PDE8B: variants seen among roughly 807,000 people sequenced by gnomAD.
The protein encoded by PDE8B is phosphodiesterase 8B.
A neutral mutation model predicts 101.3 loss-of-function variants in PDE8B; 26 were observed. The ratio of observed to expected loss-of-function variants is 0.26; its 90% CI spans 0.19 to 0.36. The LOEUF (loss-of-function observed/expected upper bound fraction) is 0.36, where lower values mean the gene tolerates loss of function less well. PDE8B is among the 10% of genes least tolerant of loss of function. The pLI is 1.00. For synonymous variants in PDE8B, 424 were observed against 429.3 expected, an observed-to-expected ratio of 0.99 and a Z score of 0.15; for missense variants, 810 against 1,163.1, an observed-to-expected ratio of 0.70 and a Z score of 4.42.
chr5:77,264,059 T>C (rs540948621), intron 1 of PDE8B, among the ~76,000 whole-genome samples: 38 of 152,346 alleles, frequency 2.5e-4, no homozygotes, highest in African/African-American at 8.7e-4. Context: ...TGTGTCTGGC[T>C]TCTTTCATTT....
intron 2 of PDE8B, among the ~76,000 whole-genome samples, chr5:77,318,726 G>C (rs1405721840): frequency 6.6e-6 from 1 of 152,094 alleles, no homozygotes; most frequent in Non-Finnish European, 1.5e-5. Context: ...CCACTCCCCT[G>C]ATCAAATTGG....
At chr5:77,129,822 C>T in the PDE8B span, among the ~76,000 whole-genome samples, 1 of 152,202 alleles carries the variant, frequency 6.6e-6, no homozygotes, top group African/African-American at 2.4e-5. Context: ...CACCCTACCT[C>T]TACACTGTTT....
chr5:77,371,551 C>T (rs1785090771), intron 10 of PDE8B, among the ~76,000 whole-genome samples: 1 of 152,084 alleles, frequency 6.6e-6, no homozygotes, highest in Non-Finnish European at 1.5e-5. Flanking sequence ...CTTAACATTG[C>T]ATGATTTGGT....
At chr5:77,099,005 A>T in the PDE8B span, among the ~76,000 whole-genome samples, 1 of 152,248 alleles carries the variant, frequency 6.6e-6, no homozygotes, top group African/African-American at 2.4e-5. Flanking sequence ...TTTCTAACAC[A>T]TAAATTTTGG....
intron 1 of PDE8B, among the ~76,000 whole-genome samples, chr5:77,212,747 C>T (rs1463403672): frequency 6.6e-6 from 1 of 152,160 alleles, no homozygotes; most frequent in Non-Finnish European, 1.5e-5. Context: ...GTCAAGCTCT[C>T]TCTCTCTCCC....
chr5:77,247,943 G>T (rs6867654), intron 1 of PDE8B, among the ~76,000 whole-genome samples: 1 of 151,954 alleles, frequency 6.6e-6, no homozygotes, highest in Non-Finnish European at 1.5e-5. Context: ...CATGCAGGAA[G>T]GTCTGAGGTT....
chr5:77,136,619 G>T, the PDE8B span, among the ~76,000 whole-genome samples: 1 of 152,156 alleles, frequency 6.6e-6, no homozygotes, highest in Non-Finnish European at 1.5e-5. Context: ...AGTGTGTATG[G>T]CAGTAAGGTG....
intron 1 of PDE8B, among the ~76,000 whole-genome samples, chr5:77,251,685 G>T (rs374595776): frequency 1.3e-5 from 2 of 152,016 alleles, no homozygotes; most frequent in African/African-American, 4.8e-5. Context: ...TGTATCCACC[G>T]CATCGCTCTC....
intron 1 of PDE8B, among the ~76,000 whole-genome samples, chr5:77,274,108 C>A (rs1490771572): frequency 6.6e-6 from 1 of 152,128 alleles, no homozygotes; most frequent in African/African-American, 2.4e-5. Context: ...AGGCGTGAAC[C>A]ATCTTGCCCA....
intron 18 of PDE8B, 28 bp downstream of exon 18, chr5:77,418,474 A>C: frequency 4.0e-6 from 6 of 1,513,494 alleles, no homozygotes; most frequent in Non-Finnish European, 5.5e-6. Flanking sequence ...TCCTGTGCTC[A>C]AGTTTGTGAA....
At chr5:77,138,368 G>T in the PDE8B span, among the ~76,000 whole-genome samples, 1 of 151,964 alleles carries the variant, frequency 6.6e-6, no homozygotes, top group Non-Finnish European at 1.5e-5. Flanking sequence ...CCCTCAGGGT[G>T]GTTTTTCTGT....
chr5:77,178,328 A>G, the PDE8B span, among the ~76,000 whole-genome samples: 1 of 152,134 alleles, frequency 6.6e-6, no homozygotes, highest in Non-Finnish European at 1.5e-5. Flanking sequence ...TGAGTTTTTC[A>G]AACTGTCCTT....
At chr5:77,410,283 A>G (rs1337987369) in intron 14 of PDE8B, 1 of 152,278 alleles carries the variant, frequency 6.6e-6, no homozygotes, top group Non-Finnish European at 1.5e-5. Flanking sequence ...CACTGCACTC[A>G]TCTTTATACC....
chr5:77,291,209 C>G, intron 1 of PDE8B: 1 of 1,610,690 alleles, frequency 6.2e-7, no homozygotes, highest in Non-Finnish European at 8.5e-7. Flanking sequence ...ATGAAAGCAT[C>G]CATCATGAGG....
At chr5:77,109,641 G>A in the PDE8B span, among the ~76,000 whole-genome samples, 3 of 152,296 alleles carry the variant, frequency 2.0e-5, no homozygotes, top group African/African-American at 7.2e-5. Context: ...CATGCCCAAT[G>A]TTGTCCTGTT....
At chr5:77,384,191 G>T (rs754327435) in intron 10 of PDE8B, among the ~76,000 whole-genome samples, 5 of 152,084 alleles carry the variant, frequency 3.3e-5, no homozygotes, top group Non-Finnish European at 5.9e-5. Context: ...CCTTGAAAAG[G>T]TCCTTCACAT....
At chr5:77,397,409 A>T (rs1393065930) in intron 10 of PDE8B, among the ~76,000 whole-genome samples, 2 of 152,050 alleles carry the variant, frequency 1.3e-5, no homozygotes, top group Non-Finnish European at 1.5e-5. Flanking sequence ...TAACATACTA[A>T]ATATATATAG....
chr5:77,123,279 A>G, the PDE8B span, among the ~76,000 whole-genome samples: 1 of 152,060 alleles, frequency 6.6e-6, no homozygotes, highest in Non-Finnish European at 1.5e-5. Flanking sequence ...GAAGCCACTC[A>G]TGTCCCACAC....
chr5:77,101,689 C>T, the PDE8B span, among the ~76,000 whole-genome samples: 1 of 150,742 alleles, frequency 6.6e-6, no homozygotes, highest in Non-Finnish European at 1.5e-5. Flanking sequence ...AATGAGAGCT[C>T]ATACATTTCG....
Sources: gnomAD v4.1 joint callset for allele counts (sites outside exome capture counted in the v4.1 genomes callset) on GRCh38, gnomAD v4.1.1 for gene constraint, MANE v1.5 for transcripts, NCBI Gene and HGNC (gene_info 2026-07-23, HGNC 2026-07-21) for gene names.